Variants in DYSF observed in about 807,000 individuals in gnomAD.
DYSF encodes the protein dystrophy-associated fer-1-like 1.
A neutral mutation model predicts 274.9 loss-of-function variants in DYSF; 212 were observed. The observed-to-expected ratio is 0.77, with a 90% CI of 0.69 to 0.86. The LOEUF is 0.86. Among genes scored for constraint, DYSF ranks in the 40% least tolerant of loss-of-function variants. DYSF has a pLI of 0.00. For synonymous variants in DYSF, 1,091 were observed against 1,078.7 expected (o/e 1.01, Z -0.22); for missense variants, 2,666 against 2,783.2 (o/e 0.96, Z 0.95).
In DYSF at chr2:71,664,436, T is replaced by G; in HGVS notation, c.5172T>G (p.Cys1724Trp). The G allele has an allele frequency of 6.2e-7, 1 of 1,614,092 alleles. No homozygotes were observed. Among genetic ancestry groups the G allele is most frequent in the Non-Finnish European group, 8.5e-7 (1 of 1,180,000 alleles). Residue 1724 changes from cysteine (C) to tryptophan (W), a missense_variant and splice_region_variant, in exon 46 of 56, where the codon TGT (cysteine) becomes TGG (tryptophan). Physicochemically the swap from Cys to Trp is radical, Grantham distance 215. Transcript: ENST00000410020. Reference protein sequence around the residue: ...GARCGLPQTYCVSGPNQWRDQ... With the variant: ...GARCGLPQTYWVSGPNQWRDQ... Reference sequence around the variant, plus strand: ...GCTGTGGACTCCCACAGACCTACTGTGTGTACGTGGATGGGGGCTGGCTGC... The same window carrying G: ...GCTGTGGACTCCCACAGACCTACTGGGTGTACGTGGATGGGGGCTGGCTGC...
Position 71,561,771 on chromosome 2 carries a change from C to T in DYSF, c.2236C>T (p.His746Tyr), listed in dbSNP as rs749143065. ...TCACAGCCAGCCTCTGGGTGACATCCATGAGACACCCTCTGCCACCCACCT... is the reference window on the plus strand; with the variant it reads ...TCACAGCCAGCCTCTGGGTGACATCTATGAGACACCCTCTGCCACCCACCT... ...AGCSQPLGDI[H>Y]ETPSATHLDQ... The change falls in exon 23 of 56, where the codon CAT becomes TAT. Residue 746 changes from histidine (H) to tyrosine (Y), a missense_variant. Around this residue, in one of 3 missense-constraint regions of DYSF, gnomAD observed 412 missense variants for 504.0 expected, o/e 0.82. Transcript: ENST00000410020. 1.2e-6 allele frequency: 2 copies of T among 1,614,146 alleles called. No homozygotes were observed. The highest frequency in any genetic ancestry group is 8.5e-7 in the Non-Finnish European group (1 of 1,180,026).
At chr2:71,510,051 G>T (rs929416600) in intron 4 of DYSF, among the ~76,000 whole-genome samples, 1 of 152,206 alleles carries the variant, frequency 6.6e-6, no homozygotes, top group Non-Finnish European at 1.5e-5. Flanking sequence ...GGGATTACAG[G>T]CATGAACCAC....
chr2:71,581,679 C>T (rs759009678), intron 30 of DYSF, among the ~76,000 whole-genome samples: 8 of 152,206 alleles, frequency 5.3e-5, no homozygotes, highest in Non-Finnish European at 1.2e-4. Flanking sequence ...CAGGTTCTGC[C>T]AGCTAATTTG....
At chr2:71,555,468 G>A (rs769274877) in intron 21 of DYSF, among the ~76,000 whole-genome samples, 1 of 152,190 alleles carries the variant, frequency 6.6e-6, no homozygotes, top group African/African-American at 2.4e-5. Flanking sequence ...AGCACAGGGA[G>A]TGAGCAGGCC....
chr2:71,529,831 C>T (rs962728193), intron 14 of DYSF, among the ~76,000 whole-genome samples: 2 of 152,234 alleles, frequency 1.3e-5, no homozygotes, highest in East Asian at 1.9e-4. Context: ...GATTAGCCAA[C>T]ATTTTTTTCT....
intron 36 of DYSF, among the ~76,000 whole-genome samples, chr2:71,610,542 A>G (rs1441621611): frequency 1.3e-5 from 2 of 152,164 alleles, no homozygotes; most frequent in African/African-American, 2.4e-5. Context: ...ATTCCTGCCC[A>G]ACTCTTTCTG....
Position 71,574,331 on chromosome 2 carries a change from A to T in DYSF, c.3362A>T (p.Lys1121Met). The T allele has an allele frequency of 1.9e-6, 3 of 1,614,096 alleles. No homozygotes were observed. Among genetic ancestry groups the T allele is most frequent in the Non-Finnish European group, 2.5e-6 (3 of 1,179,954 alleles). Residue 1121 changes from lysine (K) to methionine (M), a missense_variant, in exon 30 of 56, where the codon AAG becomes ATG. Physicochemically the swap from Lys to Met is moderately conservative, Grantham distance 95 (BLOSUM62 -1). Transcript: ENST00000410020. ...CGCCGTCGCATGGAGCCACTGGAGAAGACGGGGCCTGCAGCTGTGTTTGCC... is the reference window on the plus strand; with the variant it reads ...CGCCGTCGCATGGAGCCACTGGAGATGACGGGGCCTGCAGCTGTGTTTGCC... ...RWRRRMEPLE[K>M]TGPAAVFALE...
chr2:71,615,923 C>T lies in DYSF; in HGVS notation c.4464+2513C>T, dbSNP rs1285043912. On this transcript the variant is annotated intron_variant, in intron 40 of 55. Transcript: ENST00000410020. This position sits in a 1 kb window ranked among gnomAD's most constrained non-coding sequence, Gnocchi z 4.9. ...CCCTGGCTGGTGCTGGATGTGTTCA[C>T]TGTGTCCTGGCTGTGGTCCTAGGAC... Among the ~76,000 whole-genome samples the T allele has an allele frequency of 2.0e-5, 3 of 152,208 alleles. No individual in the cohort carries two copies. Among genetic ancestry groups the T allele is most frequent in the Admixed American group, 6.5e-5 (1 of 15,286 alleles).
intron 41 of DYSF, among the ~76,000 whole-genome samples, chr2:71,623,301 A>G (rs865924746): frequency 2.0e-5 from 3 of 148,368 alleles, no homozygotes; most frequent in Middle Eastern, 3.5e-3. Flanking sequence ...CATTAGGTAT[A>G]TCTCCCAATG....
At chr2:71,678,949 C>T (rs977130616) in intron 52 of DYSF, 108 bp from the exon 53 acceptor site, 16 of 965,760 alleles carry the variant, frequency 1.7e-5, no homozygotes, top group African/African-American at 3.2e-5. Flanking sequence ...TGGATAGAAG[C>T]TGGTGACAGA....
intron 3 of DYSF, among the ~76,000 whole-genome samples, chr2:71,489,619 T>C (rs2083651132): frequency 6.6e-6 from 1 of 152,168 alleles, no homozygotes; most frequent in Non-Finnish European, 1.5e-5. Context: ...ATGCTCTTAG[T>C]TCTTCAGGGT....
At chr2:71,572,840 C>T (rs1034299786) in intron 29 of DYSF, among the ~76,000 whole-genome samples, 5 of 152,160 alleles carry the variant, frequency 3.3e-5, no homozygotes, top group African/African-American at 7.2e-5. Flanking sequence ...GTGCGCCACA[C>T]GTGTACATTG....
rs61396446 is a variant in DYSF at position 71,532,830 on chromosome 2, TTCTATCTATCTA to T, written c.1381-2152_1381-2141del. Among the ~76,000 whole-genome samples, 1,322 of 147,552 alleles carry T rather than the reference TTCTATCTATCTA, an allele frequency of 9.0e-3. 11 individuals carry two copies. Among genetic ancestry groups the T allele is most frequent in the Admixed American group, 0.015 (224 of 14,742 alleles). Reference sequence around the variant, plus strand: ...ATTTTTGAATTAGGTAGTACATTTATTCTATCTATCTATCTATCTATCTATCTATCTATCTAT... The same window carrying T: ...ATTTTTGAATTAGGTAGTACATTTATTCTATCTATCTATCTATCTATCTAT... On this transcript the variant is annotated intron_variant, in intron 14 of 55. Transcript: ENST00000410020.
chr2:71,570,096 G>A, intron 27 of DYSF, 133 bp from the exon 28 acceptor site: 1 of 1,067,810 alleles, frequency 9.4e-7, no homozygotes, highest in Non-Finnish European at 1.4e-6. Flanking sequence ...GTGGTGGCAG[G>A]ACACTGACTC....
At chr2:71,603,801 G>T (rs968545289) in intron 36 of DYSF, among the ~76,000 whole-genome samples, 2 of 152,258 alleles carry the variant, frequency 1.3e-5, no homozygotes, top group East Asian at 3.9e-4. Context: ...GCACTTTGTG[G>T]CCAAAACCCA....
chr2:71,652,113 G>A (rs1428079753), intron 42 of DYSF, among the ~76,000 whole-genome samples: 2 of 152,142 alleles, frequency 1.3e-5, no homozygotes, highest in Non-Finnish European at 2.9e-5. Flanking sequence ...GCATTTGTCT[G>A]GGGAGAGAGT....
rs566208422 is a variant in DYSF, at chr2:71,487,809, T to C, written c.239+5839T>C. Among the ~76,000 whole-genome samples, 225 of 152,320 alleles carry C rather than the reference T, an allele frequency of 1.5e-3. 4 individuals carry two copies. The South Asian group carries it at 0.016, about 11-fold the overall frequency. On this transcript the variant is annotated intron_variant, in intron 3 of 55. Coordinates refer to ENST00000410020, the MANE Select transcript of DYSF (RefSeq NM_001130987.2). ...CAGGTGTGAGCCACTGTGCCTGGTC[T>C]GATGCTGGCACTTCTGAAAGGAATT... is the stretch of plus-strand genomic sequence containing the variant.
intron 38 of DYSF, among the ~76,000 whole-genome samples, chr2:71,612,333 G>A (rs577320037): frequency 1.2e-4 from 19 of 152,068 alleles, no homozygotes; most frequent in African/African-American, 4.3e-4. Context: ...GTTGAGTCCC[G>A]GGCCAACTCC....
chr2:71,526,484 A>C, intron 13 of DYSF, 138 bp downstream of exon 13: 1 of 1,271,112 alleles, frequency 7.9e-7, no homozygotes. Flanking sequence ...ATTTAACGAA[A>C]AGTAATCAGT....
Sources: gnomAD v4.1 joint callset for allele counts (sites outside exome capture counted in the v4.1 genomes callset) on GRCh38, gnomAD v4.1.1 for gene constraint, gnomAD v4.1.1 regional missense constraint, Gnocchi (gnomAD v3.1) non-coding constraint, MANE v1.5 for transcripts, NCBI Gene and HGNC (gene_info 2026-07-23, HGNC 2026-07-21) for gene names.